ESR1: variants seen among roughly 807,000 people sequenced by gnomAD.
ESR1 encodes estrogen receptor.
A neutral mutation model predicts 52.7 loss-of-function variants in ESR1; 12 were observed. That is an observed-to-expected ratio of 0.23 (90% CI 0.15 to 0.37). The LOEUF (loss-of-function observed/expected upper bound fraction) is 0.37. ESR1 is among the 10% of genes least tolerant of loss of function. The pLI is 1.00. For missense variants in ESR1, 584 were observed against 779.7 expected, an observed-to-expected ratio of 0.75 and a Z score of 2.99; for synonymous variants, 305 against 316.8, an observed-to-expected ratio of 0.96 and a Z score of 0.39.
At chr6:151,953,348 G>A (rs2036533092) in intron 4 of ESR1, among the ~76,000 whole-genome samples, 1 of 152,150 alleles carries the variant, frequency 6.6e-6, no homozygotes, top group Non-Finnish European at 1.5e-5. Flanking sequence ...TTTTCTTTAG[G>A]AGTTGAAGAC....
At chr6:152,106,752 C>A (rs1318823551), downstream of ESR1, among the ~76,000 whole-genome samples, 1 of 152,068 alleles carries the variant, frequency 6.6e-6, no homozygotes, top group Non-Finnish European at 1.5e-5. Flanking sequence ...CCAAACCCAG[C>A]TAATTTTGTT....
chr6:151,918,218 A>G (rs1449453955), intron 3 of ESR1, among the ~76,000 whole-genome samples: 1 of 152,222 alleles, frequency 6.6e-6, no homozygotes, highest in Admixed American at 6.5e-5. Context: ...CACAGCAGGT[A>G]GGAACCTAAC....
chr6:152,062,341 T>G (rs528635696), intron 6 of ESR1, among the ~76,000 whole-genome samples: 107 of 152,220 alleles, frequency 7.0e-4, no homozygotes, highest in Non-Finnish European at 1.2e-3. Context: ...ATGACAATTT[T>G]CCACTTCTCT....
exon 7 of ESR1, chr6:152,127,235 A>G (rs2152602498): frequency 6.6e-6 from 1 of 152,274 alleles, no homozygotes; most frequent in Middle Eastern, 3.4e-3. Context: ...TTAACGGGGT[A>G]GGGTCTGGAG....
chr6:151,843,149 C>T (rs1231359576), intron 2 of ESR1, among the ~76,000 whole-genome samples: 2 of 152,206 alleles, frequency 1.3e-5, no homozygotes, highest in African/African-American at 4.8e-5. Context: ...GCAACTTTGC[C>T]TATATGATCT....
chr6:151,860,226 T>C (rs963608771), intron 2 of ESR1, among the ~76,000 whole-genome samples: 1 of 152,174 alleles, frequency 6.6e-6, no homozygotes, highest in African/African-American at 2.4e-5. Context: ...GTCAAGCTAA[T>C]TAACATCAAT....
intron 2 of ESR1, among the ~76,000 whole-genome samples, chr6:151,732,931 A>G (rs574043217): frequency 6.6e-5 from 10 of 152,264 alleles, no homozygotes; most frequent in African/African-American, 2.4e-4. Context: ...TGCTGTCCAC[A>G]TACCCTGTGC....
chr6:151,906,540 A>G (rs1797487187), intron 3 of ESR1, among the ~76,000 whole-genome samples: 2 of 151,744 alleles, frequency 1.3e-5, no homozygotes, highest in South Asian at 4.2e-4. Context: ...TTAATAAGAC[A>G]TATACAACAG....
chr6:151,735,621 T>C (rs1321477812), intron 2 of ESR1, among the ~76,000 whole-genome samples: 3 of 152,044 alleles, frequency 2.0e-5, no homozygotes, highest in Middle Eastern at 3.2e-3. Context: ...GTTACATGCA[T>C]GAATTGTATA....
intron 6 of ESR1, chr6:152,121,792 A>T (rs575858426): frequency 1.3e-5 from 2 of 152,980 alleles, no homozygotes; most frequent in Admixed American, 1.3e-4. Context: ...TATAACATTC[A>T]ACTTTTTTCA....
At chr6:151,795,241 C>T (rs1776575915) in intron 2 of ESR1, among the ~76,000 whole-genome samples, 1 of 151,640 alleles carries the variant, frequency 6.6e-6, no homozygotes, top group Non-Finnish European at 1.5e-5. Flanking sequence ...AATCCCAGCA[C>T]GTTGGGAGGC....
At chr6:151,926,775 A>G (rs192598314) in intron 3 of ESR1, among the ~76,000 whole-genome samples, 1 of 152,104 alleles carries the variant, frequency 6.6e-6, no homozygotes, top group Non-Finnish European at 1.5e-5. Context: ...TTTTCTGCAT[A>G]GATAATCATG....
intron 3 of ESR1, among the ~76,000 whole-genome samples, chr6:151,902,769 A>G (rs576260847): frequency 1.3e-5 from 2 of 152,344 alleles, no homozygotes; most frequent in South Asian, 4.1e-4. Context: ...AGCCCTTCAT[A>G]TAAATTGGTT....
At chr6:152,058,019 G>A (rs1376879141) in intron 5 of ESR1, among the ~76,000 whole-genome samples, 3 of 152,116 alleles carry the variant, frequency 2.0e-5, no homozygotes, top group African/African-American at 7.2e-5. Context: ...CTCACAGCAG[G>A]TGAACACAGG....
chr6:152,101,544 G>T lies in ESR1; in HGVS notation c.*2578G>T, dbSNP rs2050965533. The T allele has an allele frequency of 4.3e-6, 1 of 231,278 alleles. No homozygotes were observed. The highest frequency in any genetic ancestry group is 8.5e-6 in the Non-Finnish European group (1 of 116,982). The allele number at this position is 231,278 out of a possible 1,614,324, so 14.3% of individuals were successfully genotyped here. A position where few individuals can be genotyped will look rare whatever the true frequency, so the allele number is the denominator to read the frequency against. On this transcript the variant is annotated 3_prime_UTR_variant, in exon 8 of 8. Transcript: ENST00000206249. ...AGATGATTGAAATGTTCGCCCAGGG[G>T]TCTCCAGCAACTTTGGAAATCTCTT...
chr6:151,967,273 T>C (rs2038379369), intron 4 of ESR1, among the ~76,000 whole-genome samples: 1 of 152,156 alleles, frequency 6.6e-6, no homozygotes, highest in Admixed American at 6.5e-5. Flanking sequence ...CATGGTGGTT[T>C]GCTGCACCCA....
At chr6:151,979,040 GGAGGAT>G (rs948658305) in intron 4 of ESR1, among the ~76,000 whole-genome samples, 43 of 152,280 alleles carry the variant, frequency 2.8e-4, no homozygotes, top group Non-Finnish European at 3.1e-4. Context: ...GTCGGGAGGA[GGAGGAT>G]GAAGCTTGAA....
chr6:151,925,319 G>A (rs1181146958), intron 3 of ESR1, among the ~76,000 whole-genome samples: 1 of 152,044 alleles, frequency 6.6e-6, no homozygotes, highest in African/African-American at 2.4e-5. Flanking sequence ...TAAAAGTGGG[G>A]TTTTGGGCTG....
intron 5 of ESR1, among the ~76,000 whole-genome samples, chr6:152,025,741 C>G (rs1488892811): frequency 6.6e-6 from 1 of 151,662 alleles, no homozygotes; most frequent in African/African-American, 2.4e-5. Context: ...TAAGTTATGC[C>G]TTTAGCTTTA....
Sources: allele counts gnomAD v4.1 joint callset (sites outside exome capture counted in the v4.1 genomes callset), GRCh38; gene constraint gnomAD v4.1.1; transcripts MANE v1.5; gene names NCBI Gene and HGNC (gene_info 2026-07-23, HGNC 2026-07-21).